Variants in NPHP4 observed in about 807,000 individuals in gnomAD.
The protein encoded by NPHP4 is nephrocystin-4.
NPHP4 carries 151 observed loss-of-function variants against 155.8 expected under a neutral mutation model. The ratio of observed to expected loss-of-function variants is 0.97; its 90% CI spans 0.85 to 1.11. NPHP4 has a LOEUF of 1.11. Ranked by LOEUF, NPHP4 falls within the 50% of genes least tolerant of loss-of-function variation. The pLI is 0.00. For synonymous variants in NPHP4, 845 were observed against 816.8 expected, an observed-to-expected ratio of 1.03 and a Z score of -0.59; for missense variants, 1,956 against 1,925.7, an observed-to-expected ratio of 1.02 and a Z score of -0.29.
intron 2 of NPHP4, among the ~76,000 whole-genome samples, chr1:5,985,612 G>A (rs1225283963): frequency 1.3e-5 from 2 of 152,242 alleles, no homozygotes; most frequent in Non-Finnish European, 1.5e-5. Flanking sequence ...TTGCTCCACT[G>A]TGGGCAGAAA....
chr1:5,917,443 G>C (rs192181713), intron 11 of NPHP4, among the ~76,000 whole-genome samples: 1 of 152,220 alleles, frequency 6.6e-6, no homozygotes, highest in Admixed American at 6.5e-5. Flanking sequence ...GGAGAGAGAC[G>C]AACAGATGGA....
intron 18 of NPHP4, among the ~76,000 whole-genome samples, chr1:5,885,739 G>A (rs888519488): frequency 1.2e-4 from 19 of 152,330 alleles, no homozygotes; most frequent in Non-Finnish European, 2.6e-4. Flanking sequence ...AGGCTTCCAT[G>A]GCCAGCACCC....
intron 2 of NPHP4, among the ~76,000 whole-genome samples, chr1:5,983,893 C>A (rs1655086168): frequency 6.6e-6 from 1 of 152,202 alleles, no homozygotes; most frequent in South Asian, 2.1e-4. Context: ...TTCCACCCTT[C>A]TACCTGCAAC....
intron 16 of NPHP4, among the ~76,000 whole-genome samples, chr1:5,897,939 GC>G (rs1644475106): frequency 6.6e-6 from 1 of 152,204 alleles, no homozygotes; most frequent in Non-Finnish European, 1.5e-5. Context: ...CCAAAACATG[GC>G]ACGGTTTCTG....
chr1:5,910,173 G>A lies in NPHP4; in HGVS notation c.1442-960C>T, dbSNP rs1474006564. Among the ~76,000 whole-genome samples the A allele has an allele frequency of 3.3e-5, 5 of 152,070 alleles. No individual in the cohort carries two copies. The East Asian group carries it at 7.7e-4, about 23-fold the overall frequency. On this transcript the variant is annotated intron_variant, in intron 11 of 29. Coordinates refer to ENST00000378156, the MANE Select transcript of NPHP4 (RefSeq NM_015102.5). This position sits in a 1 kb window ranked among gnomAD's most constrained non-coding sequence, Gnocchi z 5.4. ...AGCCAGACCCCAAGCCCATCCTGAC[G>A]GGGCCACCTCTGCCCACTCAGAGGC...
chr1:5,982,770 T>C (rs1036349498), intron 2 of NPHP4, among the ~76,000 whole-genome samples: 1 of 152,262 alleles, frequency 6.6e-6, no homozygotes, highest in African/African-American at 2.4e-5. Flanking sequence ...CAAATTATTT[T>C]CTAATTTCCC....
At position 5,947,114 on chromosome 1, in the gene NPHP4, A is replaced by T. The variant is rs2101923937; in HGVS notation, c.1109T>A (p.Val370Glu). Reference sequence around the variant, plus strand: ...AAGGGCTGTTCTTACATTGCCGTCCACTCCTGCAGGGCTGCTGAACACGTA... The same window carrying T: ...AAGGGCTGTTCTTACATTGCCGTCCTCTCCTGCAGGGCTGCTGAACACGTA... ...LEYVFSSPAG[V>E]DGNAASVTSL... The change falls in exon 9 of 30, where the codon GTG becomes GAG. Residue 370 changes from valine to glutamate, a missense_variant. Physicochemically the swap from Val to Glu is moderately radical, Grantham distance 121. Transcript: ENST00000378156. 6.2e-7 allele frequency: 1 copy of T among 1,613,864 alleles called. No individual in the cohort carries two copies. The highest frequency in any genetic ancestry group is 8.5e-7 in the Non-Finnish European group (1 of 1,179,848).
intron 23 of NPHP4, chr1:5,868,516 T>TCACA (rs777918140): frequency 4.5e-6 from 1 of 222,272 alleles, no homozygotes; most frequent in Non-Finnish European, 9.1e-6. Context: ...ACATGCATAC[T>TCACA]CACACACACG....
intron 10 of NPHP4, among the ~76,000 whole-genome samples, chr1:5,932,445 C>T (rs530157928): frequency 1.3e-5 from 2 of 152,268 alleles, no homozygotes; most frequent in Admixed American, 6.5e-5. Context: ...AGCAGAAACT[C>T]TGCCACACCT....
chr1:5,879,873 G>A (rs1643075144), intron 19 of NPHP4, among the ~76,000 whole-genome samples: 1 of 144,620 alleles, frequency 6.9e-6, no homozygotes, highest in African/African-American at 2.6e-5. Context: ...ACACACACAT[G>A]CACACACAGA....
intron 23 of NPHP4, among the ~76,000 whole-genome samples, chr1:5,870,778 T>C (rs555052571): frequency 2.0e-5 from 3 of 152,178 alleles, no homozygotes; most frequent in Non-Finnish European, 4.4e-5. Flanking sequence ...CCCAAGTGCA[T>C]AACCTGGGTC....
rs754838672 is a variant in NPHP4, at chr1:5,890,921, C to T, written c.2251G>A (p.Val751Ile). 1.7e-5 allele frequency: 28 copies of T among 1,610,124 alleles called. No homozygotes were observed. The highest frequency in any genetic ancestry group is 4.4e-5 in the South Asian group (4 of 90,440). ...AGCAGCAGGGAGTCTCCGTCCCAGA[C>T]GTCAATCTGCAGGGTCTGCACGGCC... ...YLAVQTLQID[V>I]WDGDSLLLIG... The change falls in exon 17 of 30, where the codon GTC becomes ATC. Residue 751 changes from valine (V) to isoleucine (I), a missense_variant. Coordinates refer to ENST00000378156, the MANE Select transcript of NPHP4 (RefSeq NM_015102.5). This position sits in a 1 kb window ranked among gnomAD's most constrained non-coding sequence, Gnocchi z 4.9.
rs565573958 is a variant in NPHP4 at position 5,913,212 on chromosome 1, C to T, written c.1442-3999G>A. On this transcript the variant is annotated intron_variant, in intron 11 of 29. Coordinates refer to ENST00000378156, the MANE Select transcript of NPHP4 (RefSeq NM_015102.5). ...TCTTCCACGGCTGCTCCAAGAAGCT[C>T]GTGGCCAGCGGGGCCCTGAGATGGG... 2.6e-5 allele frequency among the ~76,000 whole-genome samples: 4 copies of T among 151,520 alleles called. No homozygotes were observed. In the South Asian group the frequency reaches 6.3e-4, roughly 24 times the overall value.
chr1:5,942,201 T>C (rs1390810938), intron 9 of NPHP4, among the ~76,000 whole-genome samples: 2 of 151,982 alleles, frequency 1.3e-5, no homozygotes, highest in Non-Finnish European at 2.9e-5. Flanking sequence ...AAGCATCAGA[T>C]GAACCCAAGC....
chr1:5,872,779 C>G (rs1038529494), intron 23 of NPHP4, among the ~76,000 whole-genome samples: 2 of 152,264 alleles, frequency 1.3e-5, no homozygotes, highest in African/African-American at 4.8e-5. Context: ...CATAAAGCAG[C>G]AGTGTCTCAA....
intron 4 of NPHP4, 142 bp downstream of exon 4, chr1:5,968,945 C>T (rs779418868): frequency 5.6e-6 from 3 of 537,360 alleles, no homozygotes; most frequent in East Asian, 3.0e-5. Context: ...GAGAATCGCT[C>T]GAACCCAGGA....
At chr1:5,866,261 T>TC in intron 26 of NPHP4, 112 bp downstream of exon 26, 1 of 761,004 alleles carries the variant, frequency 1.3e-6, no homozygotes, top group South Asian at 1.5e-5. Flanking sequence ...GCCCGAAAGC[T>TC]CCCCCAATTT....
At chr1:5,962,803 C>T (rs945903417) in intron 5 of NPHP4, among the ~76,000 whole-genome samples, 16 of 152,216 alleles carry the variant, frequency 1.1e-4, no homozygotes, top group African/African-American at 3.9e-4. Flanking sequence ...GGCGGGCAGG[C>T]CCTGAAGGTA....
intron 22 of NPHP4, chr1:5,873,619 G>A (rs575185060): frequency 6.1e-5 from 32 of 521,876 alleles, no homozygotes; most frequent in Admixed American, 1.1e-4. Context: ...GAGCCAGCAT[G>A]GCATCCTGTG....
Sources: allele counts gnomAD v4.1 joint callset (sites outside exome capture counted in the v4.1 genomes callset), GRCh38; gene constraint gnomAD v4.1.1; non-coding constraint Gnocchi (gnomAD v3.1); transcripts MANE v1.5; gene names NCBI Gene and HGNC (gene_info 2026-07-23, HGNC 2026-07-21).